The following EML5 variants were observed in gnomAD, a reference collection of about 807,000 sequenced individuals.
EML5 encodes EMAP like 5, also known as echinoderm microtubule-associated protein-like 5.
EML5 carries 120 observed loss-of-function variants against 250.0 expected under a neutral mutation model. The ratio of observed to expected loss-of-function variants is 0.48; its 90% CI spans 0.41 to 0.56. The LOEUF is 0.56. Ranked by LOEUF, EML5 falls within the 20% of genes least tolerant of loss-of-function variation. EML5 has a pLI of 0.00. For synonymous variants in EML5, 771 were observed against 806.5 expected (o/e 0.96, Z 0.75); for missense variants, 2,006 against 2,437.6 (o/e 0.82, Z 3.73).
chr14:88,627,070 C>T, intron 34 of EML5, 24 bp from the exon 35 acceptor site: 1 of 1,610,188 alleles, frequency 6.2e-7, no homozygotes, highest in Non-Finnish European at 8.5e-7. Context: ...ACAAAATTAT[C>T]TAGGTTATTA....
rs1226451283 is a variant in EML5 at position 88,613,884 on chromosome 14, CCCT to C, written c.*1931_*1933del. On this transcript the variant is annotated 3_prime_UTR_variant, in exon 44 of 44. Coordinates refer to ENST00000554922, the MANE Select transcript of EML5 (RefSeq NM_183387.3). The stretch of plus-strand genomic sequence containing the variant: ...TGGCCTATCATGTTTCTTCACCTTC[CCCT>C]CGTTGCTGGCTGATACAGCGAGGTG... The C allele has an allele frequency of 6.6e-6, 1 of 152,152 alleles. No individual in the cohort carries two copies. Among genetic ancestry groups the C allele is most frequent in the Non-Finnish European group, 1.5e-5 (1 of 68,024 alleles). The allele number at this position is 152,152 out of a possible 1,614,324, so 9.4% of individuals were successfully genotyped here. A position where few individuals can be genotyped will look rare whatever the true frequency, so the allele number is the denominator to read the frequency against.
At chr14:88,661,385 T>C (rs2140943226) in intron 25 of EML5, among the ~76,000 whole-genome samples, 2 of 152,344 alleles carry the variant, frequency 1.3e-5, no homozygotes, top group East Asian at 1.9e-4. Context: ...CATGAGCCAC[T>C]GTCCCCAGCC....
rs1484130732 is a variant in EML5, at chr14:88,613,909, G to A, written c.*1909C>T. 6.6e-6 allele frequency: 1 copy of A among 152,196 alleles called. No individual in the cohort carries two copies. Among genetic ancestry groups the A allele is most frequent in the Non-Finnish European group, 1.5e-5 (1 of 68,038 alleles). The allele number at this position is 152,196 out of a possible 1,614,324, so 9.4% of individuals were successfully genotyped here. A position where few individuals can be genotyped will look rare whatever the true frequency, so the allele number is the denominator to read the frequency against. On this transcript the variant is annotated 3_prime_UTR_variant, in exon 44 of 44. Transcript: ENST00000554922. ...CCCTCGTTGCTGGCTGATACAGCGA[G>A]GTGGTCAGCTGATGACTACTTAGTC...
chr14:88,737,865 T>C (rs2140218933), intron 6 of EML5, among the ~76,000 whole-genome samples: 1 of 152,326 alleles, frequency 6.6e-6, no homozygotes, highest in East Asian at 1.9e-4. Flanking sequence ...ATTAGTAAAT[T>C]ACCTTTATAG....
Position 88,792,911 on chromosome 14 carries a change from G to A in EML5, c.-408C>T, listed in dbSNP as rs1444475173. ...GCCCCGCCGCGGCTTTGTAGCCACA[G>A]CCTGGCGGACCCGCGCCGCGCACCC... On this transcript the variant is annotated 5_prime_UTR_variant, in exon 1 of 44. Transcript: ENST00000554922. The surrounding 1 kb of genome is among the most constrained non-coding windows in gnomAD (Gnocchi z 6.9). Among the ~76,000 whole-genome samples, 1 of 151,758 alleles carries A rather than the reference G, an allele frequency of 6.6e-6. No homozygotes were observed. Among genetic ancestry groups the A allele is most frequent in the Non-Finnish European group, 1.5e-5 (1 of 67,920 alleles).
At chr14:88,736,765 C>G (rs1358555474) in intron 6 of EML5, among the ~76,000 whole-genome samples, 200 bp from the exon 7 acceptor site, 1 of 152,148 alleles carries the variant, frequency 6.6e-6, no homozygotes, top group Non-Finnish European at 1.5e-5. Flanking sequence ...CCATTTGGTG[C>G]ACTTTCCTCT....
chr14:88,688,260 A>C lies in EML5; in HGVS notation c.2742+11T>G. ...ATTTTGTTTAATTTAAAATCTCTTT[A>C]GGTTACTTACTTTTTCCAATGCATG... On this transcript the variant is annotated intron_variant, in intron 18 of 43. Transcript: ENST00000554922. 1.9e-6 allele frequency: 3 copies of C among 1,613,568 alleles called. No individual in the cohort carries two copies. Among genetic ancestry groups the C allele is most frequent in the Non-Finnish European group, 2.5e-6 (3 of 1,179,738 alleles).
At chr14:88,689,801 C>T (rs1396719474) in intron 17 of EML5, among the ~76,000 whole-genome samples, 1 of 152,076 alleles carries the variant, frequency 6.6e-6, no homozygotes, top group Non-Finnish European at 1.5e-5. Flanking sequence ...TTCAATGTAC[C>T]AGGCATAGAC....
At chr14:88,618,592 A>T in intron 40 of EML5, 58 bp downstream of exon 40, 1 of 1,549,170 alleles carries the variant, frequency 6.5e-7, no homozygotes, top group Non-Finnish European at 8.7e-7. Flanking sequence ...GCATTCACTA[A>T]CACGAAATGT....
intron 33 of EML5, among the ~76,000 whole-genome samples, chr14:88,629,724 C>T (rs1310694664): frequency 1.3e-5 from 2 of 152,060 alleles, no homozygotes; most frequent in African/African-American, 4.8e-5. Context: ...ACGTTTTTTC[C>T]TGAATTCAGC....
chr14:88,687,358 A>G (rs1161305654), intron 18 of EML5, 31 bp from the exon 19 acceptor site: 1 of 1,442,704 alleles, frequency 6.9e-7, no homozygotes, highest in East Asian at 2.4e-5. Flanking sequence ...AAGTTAATAA[A>G]GATCTAAATA....
At chr14:88,631,459 C>A (rs1026835204) in intron 33 of EML5, among the ~76,000 whole-genome samples, 5 of 152,166 alleles carry the variant, frequency 3.3e-5, no homozygotes, top group African/African-American at 1.2e-4. Context: ...AGCAATCCAC[C>A]CACTTCAGCC....
chr14:88,625,068 T>TATGTAGAA lies in EML5; in HGVS notation c.4799_4800insTTCTACAT (p.Leu1601SerfsTer29). On this transcript the variant is annotated frameshift_variant, in exon 36 of 44. Coordinates refer to ENST00000554922, the MANE Select transcript of EML5 (RefSeq NM_183387.3). LOFTEE classifies it high-confidence loss of function. ...GAGCTCTCGCCACGATTCTACACAA[T>TATGTAGAA]ATGTGATCTTTCCACACACAGACAT... 6.2e-7 allele frequency: 1 copy of TATGTAGAA among 1,613,858 alleles called. No individual in the cohort carries two copies. The highest frequency in any genetic ancestry group is 8.5e-7 in the Non-Finnish European group (1 of 1,179,832).
At chr14:88,625,203 A>C in intron 35 of EML5, 76 bp from the exon 36 acceptor site, 1 of 1,512,846 alleles carries the variant, frequency 6.6e-7, no homozygotes, top group South Asian at 1.3e-5. Context: ...TTTTCTATGT[A>C]TGTGTAATGC....
chr14:88,693,101 T>C (rs1263397732), intron 17 of EML5, among the ~76,000 whole-genome samples: 2 of 152,242 alleles, frequency 1.3e-5, no homozygotes, highest in African/African-American at 4.8e-5. Flanking sequence ...TTTAATAGCA[T>C]ATGAGTAATT....
chr14:88,705,634 T>C lies in EML5; in HGVS notation c.1826-46A>G, dbSNP rs373983606. 6 of 1,378,320 alleles carry C rather than the reference T, an allele frequency of 4.4e-6. No individual in the cohort carries two copies. In the African/African-American group the frequency reaches 8.6e-5, roughly 20 times the overall value. 85.4% of individuals were successfully genotyped at this position (1,378,320 alleles called of 1,614,324 possible). A position where few individuals can be genotyped will look rare whatever the true frequency, so the allele number is the denominator to read the frequency against. Reference sequence around the variant, plus strand: ...ATGTTACTTGTTTAAAGAAGATTCATTTTCAAAACAGCACTGAAAAATTAA... The same window carrying C: ...ATGTTACTTGTTTAAAGAAGATTCACTTTCAAAACAGCACTGAAAAATTAA... On this transcript the variant is annotated intron_variant, in intron 11 of 43. Transcript: ENST00000554922.
intron 21 of EML5, among the ~76,000 whole-genome samples, chr14:88,672,782 A>T (rs1484194172): frequency 1.3e-4 from 20 of 152,194 alleles, no homozygotes; most frequent in Admixed American, 1.3e-3. Context: ...AAAATAGAAA[A>T]TCTGGAAGAA....
At chr14:88,710,141 T>C (rs573807537) in intron 10 of EML5, among the ~76,000 whole-genome samples, 1 of 152,074 alleles carries the variant, frequency 6.6e-6, no homozygotes, top group Non-Finnish European at 1.5e-5. Flanking sequence ...TCCTGGATTC[T>C]TTCAGAGAGA....
chr14:88,788,016 T>TGAGCAAAGGCTA (rs2094568567), intron 1 of EML5, among the ~76,000 whole-genome samples: 2 of 152,190 alleles, frequency 1.3e-5, no homozygotes, highest in Non-Finnish European at 2.9e-5. Flanking sequence ...TTTGTGCGTT[T>TGAGCAAAGGCTA]GAGCAAAAGG....
Sources: allele counts gnomAD v4.1 joint callset (sites outside exome capture counted in the v4.1 genomes callset), GRCh38; gene constraint gnomAD v4.1.1; non-coding constraint Gnocchi (gnomAD v3.1); transcripts MANE v1.5; gene names NCBI Gene and HGNC (gene_info 2026-07-23, HGNC 2026-07-21).